The following ARMH3 variants were observed in gnomAD, a reference collection of about 807,000 sequenced individuals.
ARMH3 encodes the protein armadillo like helical domain containing 3.
A neutral mutation model predicts 99.1 loss-of-function variants in ARMH3; 60 were observed. That is an observed-to-expected ratio of 0.61 (90% CI 0.49 to 0.75). The LOEUF (loss-of-function observed/expected upper bound fraction) is 0.75, where lower values mean the gene tolerates loss of function less well. ARMH3 is among the 30% of genes least tolerant of loss of function. The probability of loss-of-function intolerance (pLI) is 0.00; values close to 1 mark genes in which losing one functional copy is unlikely to be tolerated. For missense variants in ARMH3, 679 were observed against 843.1 expected, an observed-to-expected ratio of 0.81 and a Z score of 2.41; for synonymous variants, 285 against 292.8, an observed-to-expected ratio of 0.97 and a Z score of 0.27.
chr10:101,883,348 T>C (rs1417828813), intron 24 of ARMH3, among the ~76,000 whole-genome samples: 1 of 151,884 alleles, frequency 6.6e-6, no homozygotes, highest in East Asian at 1.9e-4. Context: ...ACCTAGGAGT[T>C]TGAGGTTACA....
At chr10:102,029,876 C>T in intron 4 of ARMH3, 131 bp from the exon 5 acceptor site, 1 of 947,504 alleles carries the variant, frequency 1.1e-6, no homozygotes, top group Non-Finnish European at 1.5e-6. Flanking sequence ...CTCCAAAACA[C>T]AGTCTGAGTT....
intron 14 of ARMH3, among the ~76,000 whole-genome samples, chr10:102,003,481 A>G (rs1425219394): frequency 6.6e-6 from 1 of 152,184 alleles, no homozygotes; most frequent in Non-Finnish European, 1.5e-5. Context: ...GTCTTAATGT[A>G]GGCTTCCCAA....
At chr10:101,895,570 C>T (rs571646684) in intron 23 of ARMH3, among the ~76,000 whole-genome samples, 1 of 152,236 alleles carries the variant, frequency 6.6e-6, no homozygotes, top group South Asian at 2.1e-4. Context: ...TGAGCCACTG[C>T]GCCCGGCCCT....
intron 24 of ARMH3, among the ~76,000 whole-genome samples, chr10:101,888,384 G>A (rs1459096608): frequency 6.6e-6 from 1 of 152,204 alleles, no homozygotes; most frequent in Non-Finnish European, 1.5e-5. Flanking sequence ...GAACAAATAT[G>A]TCAAAGGGAA....
At chr10:101,964,935 C>G (rs1295515391) in intron 20 of ARMH3, among the ~76,000 whole-genome samples, 1 of 151,980 alleles carries the variant, frequency 6.6e-6, no homozygotes, top group Non-Finnish European at 1.5e-5. Flanking sequence ...ATCACTTGAA[C>G]CCAGAGGCGG....
intron 8 of ARMH3, among the ~76,000 whole-genome samples, chr10:102,018,919 T>C (rs1262307133): frequency 1.3e-5 from 2 of 152,130 alleles, no homozygotes; most frequent in South Asian, 2.1e-4. Flanking sequence ...ATCATGCCAT[T>C]GCACTCCATC....
chr10:101,983,492 C>T (rs1781756130), intron 19 of ARMH3, among the ~76,000 whole-genome samples: 1 of 152,142 alleles, frequency 6.6e-6, no homozygotes, highest in Admixed American at 6.5e-5. Flanking sequence ...AGGCTGGGCT[C>T]AAGTGATCCA....
intron 1 of ARMH3, among the ~76,000 whole-genome samples, chr10:102,051,518 T>C (rs1383738812): frequency 1.3e-5 from 2 of 151,514 alleles, no homozygotes; most frequent in Non-Finnish European, 2.9e-5. Flanking sequence ...GTCAGTCAAC[T>C]CAGGACATCA....
intron 20 of ARMH3, 139 bp downstream of exon 20, chr10:101,975,073 A>AC: frequency 2.6e-6 from 1 of 387,310 alleles, no homozygotes; most frequent in Non-Finnish European, 4.6e-6. Flanking sequence ...AAAAAAAAAA[A>AC]AGACAAAAAG....
chr10:101,851,018 G>A (rs966396581), intron 24 of ARMH3, among the ~76,000 whole-genome samples: 3 of 152,212 alleles, frequency 2.0e-5, no homozygotes, highest in Non-Finnish European at 4.4e-5. Context: ...TCTGCTACTT[G>A]TTTTCATTGC....
intron 8 of ARMH3, among the ~76,000 whole-genome samples, chr10:102,022,706 G>T (rs1258676300): frequency 6.8e-6 from 1 of 147,584 alleles, no homozygotes; most frequent in African/African-American, 2.5e-5. Flanking sequence ...TCAGCCTCCC[G>T]AGTAGCTGGG....
intron 22 of ARMH3, among the ~76,000 whole-genome samples, chr10:101,951,891 GA>G (rs1844804688): frequency 7.3e-6 from 1 of 137,184 alleles, no homozygotes; most frequent in South Asian, 2.7e-4. Flanking sequence ...AGAAGAAGAA[GA>G]AAGGAAGGAA....
At chr10:102,025,335 TGA>T in intron 5 of ARMH3, 87 bp from the exon 6 acceptor site, 3 of 998,396 alleles carry the variant, frequency 3.0e-6, no homozygotes, top group Non-Finnish European at 4.7e-6. Flanking sequence ...CAGGGTAATG[TGA>T]ATAACACACA....
At chr10:101,889,355 A>G in intron 24 of ARMH3, 57 bp downstream of exon 24, 1 of 1,449,070 alleles carries the variant, frequency 6.9e-7, no homozygotes, top group Non-Finnish European at 9.7e-7. Context: ...ATCAGAGAGA[A>G]GGCAACTGCT....
At chr10:101,935,089 C>CA (rs1425369367) in intron 23 of ARMH3, among the ~76,000 whole-genome samples, 1 of 151,142 alleles carries the variant, frequency 6.6e-6, no homozygotes, top group East Asian at 2.0e-4. Flanking sequence ...ACTGGCCCCT[C>CA]AAAGTACTCC....
chr10:101,858,651 T>A (rs1421022213), intron 24 of ARMH3, among the ~76,000 whole-genome samples: 9 of 152,168 alleles, frequency 5.9e-5, no homozygotes. Flanking sequence ...ATTCTACAGG[T>A]TTCCCAATGA....
At chr10:101,971,605 T>A (rs942755263) in intron 20 of ARMH3, among the ~76,000 whole-genome samples, 4 of 152,146 alleles carry the variant, frequency 2.6e-5, no homozygotes, top group Non-Finnish European at 5.9e-5. Context: ...AAGATTTCTG[T>A]GAGAACAGGA....
rs144304937 is a variant in ARMH3, at chr10:101,906,907, A to T, written c.1782-17417T>A. On this transcript the variant is annotated intron_variant, in intron 23 of 25. Coordinates refer to ENST00000370033, the MANE Select transcript of ARMH3 (RefSeq NM_024541.3). ...AAATAAACAGCACTTCCTACCAGTT[A>T]ACACCAGTTTCTCTATTCTAGGAAA... is the stretch of plus-strand genomic sequence containing the variant. Among the ~76,000 whole-genome samples, 151 of 152,314 alleles carry T rather than the reference A, an allele frequency of 9.9e-4. 1 individual carries two copies. Among genetic ancestry groups the T allele is most frequent in the African/African-American group, 3.5e-3 (147 of 41,576 alleles).
intron 23 of ARMH3, among the ~76,000 whole-genome samples, chr10:101,902,245 A>G (rs1015826370): frequency 3.3e-5 from 5 of 152,218 alleles, no homozygotes; most frequent in Non-Finnish European, 5.9e-5. Flanking sequence ...CTTTTATTCA[A>G]CAGAAACTCT....
Sources: allele counts gnomAD v4.1 joint callset (sites outside exome capture counted in the v4.1 genomes callset), GRCh38; gene constraint gnomAD v4.1.1; transcripts MANE v1.5; gene names NCBI Gene and HGNC (gene_info 2026-07-23, HGNC 2026-07-21).